MROH7: variants seen among roughly 807,000 people sequenced by gnomAD.
The protein encoded by MROH7 is maestro heat like repeat family member 7.
A neutral mutation model predicts 129.2 loss-of-function variants in MROH7; 113 were observed. The ratio of observed to expected loss-of-function variants is 0.87; its 90% CI spans 0.75 to 1.02. The LOEUF (loss-of-function observed/expected upper bound fraction) is 1.02. Ranked by LOEUF, MROH7 falls within the 50% of genes least tolerant of loss-of-function variation. The pLI is 0.00. For missense variants in MROH7, 1,601 were observed against 1,671.3 expected (o/e 0.96, Z 0.73); for synonymous variants, 655 against 667.9 (o/e 0.98, Z 0.30).
chr1:54,675,170 T>G (rs1644961855), intron 10 of MROH7, among the ~76,000 whole-genome samples: 1 of 152,256 alleles, frequency 6.6e-6, no homozygotes, highest in South Asian at 2.1e-4. Context: ...GAGACGGGAT[T>G]TCACCATGTT....
Position 54,678,938 on chromosome 1 carries a change from C to T in MROH7, c.2049+84C>T, listed in dbSNP as rs112106659. 4.9e-3 allele frequency: 5,532 copies of T among 1,138,192 alleles called. 162 individuals carry two copies. In the East Asian group the frequency reaches 0.062, roughly 13 times the overall value. The allele number at this position is 1,138,192 out of a possible 1,614,324, so 70.5% of individuals were successfully genotyped here. A position where few individuals can be genotyped will look rare whatever the true frequency, so the allele number is the denominator to read the frequency against. ...CCTGGCCCCAAAGCTTTCTTCCCTTCTAGCTTTCCAGGCTTTGCAGGACGC... is the reference window on the plus strand; with the variant it reads ...CCTGGCCCCAAAGCTTTCTTCCCTTTTAGCTTTCCAGGCTTTGCAGGACGC... On this transcript the variant is annotated intron_variant, in intron 11 of 23. Transcript: ENST00000421030.
intron 1 of MROH7, among the ~76,000 whole-genome samples, chr1:54,648,336 T>TTTTA (rs59068913): frequency 0.32 from 44,953 of 141,922 alleles, 7,424 homozygotes; most frequent in East Asian, 0.52. Context: ...TTGCATGCAA[T>TTTTA]TTTATTTATT....
At chr1:54,687,145 C>T (rs1569952286) in intron 15 of MROH7, among the ~76,000 whole-genome samples, 3 of 152,228 alleles carry the variant, frequency 2.0e-5, no homozygotes, top group Admixed American at 2.0e-4. Flanking sequence ...GCAATCTCAG[C>T]TCACTGCAAC....
intron 21 of MROH7, among the ~76,000 whole-genome samples, chr1:54,705,731 A>G (rs2101239561): frequency 6.6e-6 from 1 of 152,290 alleles, no homozygotes; most frequent in Middle Eastern, 3.4e-3. Flanking sequence ...GAAGGAGCTG[A>G]GACTTCGAAG....
rs773562043 is a variant in MROH7, at chr1:54,682,737, C to A, written c.2463C>A (p.Gly821=). 2.4e-5 allele frequency: 38 copies of A among 1,613,992 alleles called. No homozygotes were observed. In the South Asian group the frequency reaches 4.1e-4, roughly 17 times the overall value. Residue 821 remains glycine (G), a synonymous_variant, in exon 14 of 24, where the codon GGC becomes GGA. Coordinates refer to ENST00000421030, the MANE Select transcript of MROH7 (RefSeq NM_001039464.4). ...GAGACCTCCTGGATCTGCTCCTGGG[C>A]AGCCTGAAGGAGAAGCCCGTCACCA... ...DVRDLLDLLL[G]SLKEKPVTKE...
chr1:54,652,845 C>A lies in MROH7; in HGVS notation c.-74-8C>A. On this transcript the variant is annotated splice_polypyrimidine_tract_variant and splice_region_variant and intron_variant, in intron 2 of 23. Coordinates refer to ENST00000421030, the MANE Select transcript of MROH7 (RefSeq NM_001039464.4). ...GCATGGCTGCATTTGTCTTTTCTCT[C>A]TCTCAAGACTGCTGCTGGGAATGTG... 2 of 1,508,112 alleles carry A rather than the reference C, an allele frequency of 1.3e-6. No individual in the cohort carries two copies. Among genetic ancestry groups the A allele is most frequent in the South Asian group, 2.7e-5 (2 of 73,770 alleles). The allele number at this position is 1,508,112 out of a possible 1,614,324, so 93.4% of individuals were successfully genotyped here. A position where few individuals can be genotyped will look rare whatever the true frequency, so the allele number is the denominator to read the frequency against.
At chr1:54,684,996 A>G (rs1645125723) in intron 14 of MROH7, among the ~76,000 whole-genome samples, 1 of 151,328 alleles carries the variant, frequency 6.6e-6, no homozygotes, top group Admixed American at 6.6e-5. Context: ...GCCCAGATGC[A>G]TGGAGTCTTT....
chr1:54,677,397 TCAAAACAAACAAACAAAACAAAA>T (rs1027837406), intron 10 of MROH7, among the ~76,000 whole-genome samples: 1 of 151,990 alleles, frequency 6.6e-6, no homozygotes, highest in African/African-American at 2.4e-5. Context: ...AGGCTGTGTC[TCAAAACAAACAAACAAAACAAAA>T]CAAAACAAAC....
At chr1:54,697,512 C>A in intron 17 of MROH7, 1 of 550,614 alleles carries the variant, frequency 1.8e-6, no homozygotes, top group Non-Finnish European at 3.3e-6. Context: ...GGTTCCAGCC[C>A]CAGCTCCATC....
chr1:54,673,108 C>G lies in MROH7; in HGVS notation c.1617C>G (p.Thr539=), dbSNP rs367888341. The G allele has an allele frequency of 1.9e-6, 3 of 1,613,626 alleles. No individual in the cohort carries two copies. Among genetic ancestry groups the G allele is most frequent in the Admixed American group, 3.3e-5 (2 of 59,980 alleles). Residue 539 remains threonine (T), a synonymous_variant, in exon 8 of 24, where the codon ACC becomes ACG. Transcript: ENST00000421030. Reference sequence around the variant, plus strand: ...ATCCACAGGCTCTTTACCATCAGACCCTGGAGGCCCTGCAGACACTGCTCA... The same window carrying G: ...ATCCACAGGCTCTTTACCATCAGACGCTGGAGGCCCTGCAGACACTGCTCA... ...AETIQALYHQ[T]LEALQTLLKA...
At chr1:54,642,940 C>G (rs1644410688) in intron 1 of MROH7, among the ~76,000 whole-genome samples, 2 of 152,172 alleles carry the variant, frequency 1.3e-5, no homozygotes, top group Non-Finnish European at 2.9e-5. Flanking sequence ...CCTGCACAGT[C>G]TGAACTAACA....
In MROH7 at chr1:54,689,187, G is replaced by A. The variant is rs188082006; in HGVS notation, c.2711+2739G>A. Among the ~76,000 whole-genome samples the A allele has an allele frequency of 1.7e-3, 260 of 152,308 alleles. 1 individual carries two copies. Among genetic ancestry groups the A allele is most frequent in the African/African-American group, 5.7e-3 (237 of 41,568 alleles). Reference sequence around the variant, plus strand: ...ATTAACCATGTGGGCACTGAATCCAGTGCCAAGGGGCCTTATAAGGAGAAG... The same window carrying A: ...ATTAACCATGTGGGCACTGAATCCAATGCCAAGGGGCCTTATAAGGAGAAG... On this transcript the variant is annotated intron_variant, in intron 15 of 23. Coordinates refer to ENST00000421030, the MANE Select transcript of MROH7 (RefSeq NM_001039464.4).
chr1:54,691,424 T>C (rs1645235361), intron 15 of MROH7, among the ~76,000 whole-genome samples: 1 of 152,260 alleles, frequency 6.6e-6, no homozygotes, highest in African/African-American at 2.4e-5. Context: ...AAGTGCACCA[T>C]AAACTCTTTC....
rs1644588836 is a variant in MROH7 at position 54,653,358 on chromosome 1, C to T, written c.432C>T (p.His144=). Residue 144 remains histidine (H), a synonymous_variant, in exon 3 of 24, where the codon CAC becomes CAT. Coordinates refer to ENST00000421030, the MANE Select transcript of MROH7 (RefSeq NM_001039464.4). ...CCCCTCGTCTGAGCTCTGGGAACCA[C>T]CCTCAGTCAAATTCTGAAGATGCCT... ...TEAPRLSSGN[H]PQSNSEDAFK... 1 of 1,614,078 alleles carries T rather than the reference C, an allele frequency of 6.2e-7. No individual in the cohort carries two copies. Among genetic ancestry groups the T allele is most frequent in the Non-Finnish European group, 8.5e-7 (1 of 1,180,048 alleles).
At position 54,653,186 on chromosome 1, in the gene MROH7, G is replaced by A; in HGVS notation, c.260G>A (p.Arg87Lys). 1.2e-6 allele frequency: 2 copies of A among 1,614,184 alleles called. No individual in the cohort carries two copies. Among genetic ancestry groups the A allele is most frequent in the Non-Finnish European group, 1.7e-6 (2 of 1,180,042 alleles). The change falls in exon 3 of 24, where the codon AGA (arginine) becomes AAA (lysine). Residue 87 changes from arginine to lysine, a missense_variant. Physicochemically the swap from Arg to Lys is conservative, Grantham distance 26. Transcript: ENST00000421030. The stretch of plus-strand genomic sequence containing the variant: ...AACACCCCCAGACCTGATGACAGCA[G>A]AGCTATCGCTCCAGCCTCCCTCCAG... The part of the protein sequence containing the change: ...SENTPRPDDS[R>K]AIAPASLQIT...
intron 3 of MROH7, among the ~76,000 whole-genome samples, chr1:54,659,445 G>C (rs530941180): frequency 1.2e-4 from 16 of 138,404 alleles, no homozygotes; most frequent in Admixed American, 4.4e-4. Flanking sequence ...ACCACTTCTG[G>C]CTAATTTTTG....
Position 54,695,395 on chromosome 1 carries a change from T to C in MROH7, c.2869T>C (p.Cys957Arg), listed in dbSNP as rs752165238. The C allele has an allele frequency of 3.1e-6, 5 of 1,612,516 alleles. No homozygotes were observed. The East Asian group carries it at 6.7e-5, about 22-fold the overall frequency. ...CCCCAGGGCCATGGTGCAGTACTCC[T>C]GCCAGGAGCTGTGCCGCATCCTCTA... ...LLARAMVQYS[C>R]QELCRILYLL... is the part of the protein sequence containing the mutation. Residue 957 changes from cysteine (C) to arginine (R), a missense_variant, in exon 17 of 24, where the codon TGC becomes CGC. Cys to Arg is a radical substitution (Grantham distance 180, BLOSUM62 -3). Coordinates refer to ENST00000421030, the MANE Select transcript of MROH7 (RefSeq NM_001039464.4).
At chr1:54,665,545 A>G (rs1644800530) in intron 4 of MROH7, 1 of 214,922 alleles carries the variant, frequency 4.7e-6, no homozygotes, top group Non-Finnish European at 9.3e-6. Context: ...ATTTTTAAAC[A>G]ATTGAATGAA....
chr1:54,709,168 C>T (rs1035315422), intron 23 of MROH7, 92 bp downstream of exon 23: 2 of 1,254,874 alleles, frequency 1.6e-6, no homozygotes, highest in South Asian at 1.2e-5. Context: ...AGGGATGTGT[C>T]CCAAGACAAG....
Sources: allele counts gnomAD v4.1 joint callset (sites outside exome capture counted in the v4.1 genomes callset), GRCh38; gene constraint gnomAD v4.1.1; transcripts MANE v1.5; gene names NCBI Gene and HGNC (gene_info 2026-07-23, HGNC 2026-07-21).